The following PTPRZ1 variants were observed in gnomAD, a reference collection of about 807,000 sequenced individuals.
PTPRZ1 encodes the protein receptor-type tyrosine-protein phosphatase zeta.
A neutral mutation model predicts 214.1 loss-of-function variants in PTPRZ1; 82 were observed. The observed-to-expected ratio is 0.38, with a 90% CI of 0.32 to 0.46. The LOEUF (loss-of-function observed/expected upper bound fraction) is 0.46. PTPRZ1 is among the 20% of genes least tolerant of loss of function. The pLI is 1.00. For missense variants in PTPRZ1, 2,603 were observed against 2,748.7 expected (o/e 0.95, Z 1.19); for synonymous variants, 945 against 987.9 (o/e 0.96, Z 0.81).
In PTPRZ1 at chr7:122,012,032, T is replaced by C; in HGVS notation, c.2986T>C (p.Trp996Arg). 6.2e-7 allele frequency: 1 copy of C among 1,614,260 alleles called. No homozygotes were observed. Among genetic ancestry groups the C allele is most frequent in the Non-Finnish European group, 8.5e-7 (1 of 1,180,042 alleles). The change falls in exon 12 of 30, where the codon TGG becomes CGG. Residue 996 changes from tryptophan (W) to arginine (R), a missense_variant. Around this residue, in one of 6 missense-constraint regions of PTPRZ1, gnomAD observed 1,913 missense variants for 1,914.3 expected, o/e 1.00. Coordinates refer to ENST00000393386, the MANE Select transcript of PTPRZ1 (RefSeq NM_002851.3). The part of the protein sequence containing the change: ...PTHALSGDGE[W>R]SGASSDSEFL... ...TCATGCCCTCTCTGGTGATGGGGAA[T>C]GGTCTGGAGCCTCTTCTGATAGTGA...
intron 8 of PTPRZ1, among the ~76,000 whole-genome samples, chr7:121,995,956 T>A (rs1584723866): frequency 1.3e-5 from 2 of 152,224 alleles, no homozygotes; most frequent in Admixed American, 1.3e-4. Flanking sequence ...TTCAAAACAA[T>A]GTTCTAGGCA....
intron 1 of PTPRZ1, 79 bp downstream of exon 1, chr7:121,873,636 C>T (rs1793955472): frequency 6.6e-7 from 1 of 1,524,344 alleles, no homozygotes; most frequent in Admixed American, 1.7e-5. Context: ...GTGTCCGCGA[C>T]TTGCCGCCGC....
intron 2 of PTPRZ1, among the ~76,000 whole-genome samples, chr7:121,956,343 A>T (rs1397304968): frequency 2.0e-5 from 3 of 152,214 alleles, no homozygotes; most frequent in African/African-American, 7.2e-5. Context: ...GCAGACAATT[A>T]TTAACAGTAT....
At chr7:122,017,538 C>CATTTGTTTATTT (rs1554363677) in intron 12 of PTPRZ1, among the ~76,000 whole-genome samples, 8 of 140,112 alleles carry the variant, frequency 5.7e-5, no homozygotes, top group Non-Finnish European at 7.7e-5. Flanking sequence ...TGATACATTA[C>CATTTGTTTATTT]ATTTATTTAT....
chr7:122,032,447 G>A (rs922343999), intron 15 of PTPRZ1, among the ~76,000 whole-genome samples: 4 of 152,126 alleles, frequency 2.6e-5, no homozygotes, highest in African/African-American at 9.7e-5. Flanking sequence ...GTAGCTGTAA[G>A]CAGGAAGGCT....
At position 121,876,723 on chromosome 7, in the gene PTPRZ1, C is replaced by T. The variant is rs2116137172; in HGVS notation, c.58+3166C>T. ...GCAATTTTCTTTATTTCATTTCTCT[C>T]TCCTTTTTACGTATACTGTGGTTGC... On this transcript the variant is annotated intron_variant, in intron 1 of 29. Transcript: ENST00000393386. Among the ~76,000 whole-genome samples, 4 of 152,268 alleles carry T rather than the reference C, an allele frequency of 2.6e-5. No homozygotes were observed. The Middle Eastern group carries it at 0.014, about 518-fold the overall frequency.
At chr7:121,876,507 C>G (rs1306275097) in intron 1 of PTPRZ1, among the ~76,000 whole-genome samples, 1 of 152,092 alleles carries the variant, frequency 6.6e-6, no homozygotes, top group African/African-American at 2.4e-5. Flanking sequence ...TTATACCCAA[C>G]TCCTCTGGAA....
chr7:121,927,468 T>C (rs1795799199), intron 1 of PTPRZ1, among the ~76,000 whole-genome samples: 1 of 152,182 alleles, frequency 6.6e-6, no homozygotes, highest in African/African-American at 2.4e-5. Flanking sequence ...CTTTTGTCTA[T>C]CCCTTGCCCC....
intron 1 of PTPRZ1, among the ~76,000 whole-genome samples, chr7:121,893,862 T>C (rs968783616): frequency 6.6e-6 from 1 of 152,218 alleles, no homozygotes; most frequent in African/African-American, 2.4e-5. Flanking sequence ...TGTATGTATT[T>C]TTTCAACTGA....
At position 122,012,360 on chromosome 7, in the gene PTPRZ1, A is replaced by T. The variant is rs538645031; in HGVS notation, c.3314A>T (p.His1105Leu). 2 of 1,614,026 alleles carry T rather than the reference A, an allele frequency of 1.2e-6. No homozygotes were observed. The highest frequency in any genetic ancestry group is 1.7e-5 in the Admixed American group (1 of 60,012). ...GGCATGTTTCCAGGGTCCCTTGCTC[A>T]TACCACCACTAAGGTTTTTGATCAT... ...TKGMFPGSLA[H>L]TTTKVFDHEI... is the part of the protein sequence containing the mutation. Residue 1105 changes from histidine (H) to leucine (L), a missense_variant, in exon 12 of 30, where the codon CAT (histidine) becomes CTT (leucine). This residue lies in a region of PTPRZ1 where 1,913 missense variants were observed against 1,914.3 expected (regional missense o/e 1.00). Transcript: ENST00000393386.
chr7:121,968,178 G>A (rs1486164819), intron 3 of PTPRZ1, 48 bp downstream of exon 3: 1 of 1,491,444 alleles, frequency 6.7e-7, no homozygotes, highest in South Asian at 1.3e-5. Flanking sequence ...TTCAGACCTG[G>A]AGTATGTTTA....
At chr7:121,969,038 G>A (rs1797132671) in intron 3 of PTPRZ1, among the ~76,000 whole-genome samples, 1 of 152,102 alleles carries the variant, frequency 6.6e-6, no homozygotes. Flanking sequence ...AAGAGTACCA[G>A]ACTAGCCTGG....
chr7:122,040,176 T>A (rs1799678800), intron 20 of PTPRZ1, among the ~76,000 whole-genome samples: 1 of 151,836 alleles, frequency 6.6e-6, no homozygotes, highest in African/African-American at 2.4e-5. Flanking sequence ...CCTGACACAA[T>A]CCCAATATTC....
intron 3 of PTPRZ1, among the ~76,000 whole-genome samples, chr7:121,972,262 T>A (rs1797273849): frequency 6.6e-6 from 1 of 152,130 alleles, no homozygotes; most frequent in African/African-American, 2.4e-5. Flanking sequence ...GTAACAGCTA[T>A]CTTAGGACAC....
intron 5 of PTPRZ1, 114 bp from the exon 6 acceptor site, chr7:121,976,671 C>T (rs1584702692): frequency 1.2e-6 from 1 of 828,752 alleles, no homozygotes; most frequent in Non-Finnish European, 1.8e-6. Context: ...GTTTTTGGAA[C>T]TTACTATTTT....
chr7:122,057,968 G>GTATATACATATA (rs1792418996), intron 27 of PTPRZ1, among the ~76,000 whole-genome samples: 1 of 35,158 alleles, frequency 2.8e-5, no homozygotes, highest in African/African-American at 1.5e-4. Flanking sequence ...GTGTGTGTGT[G>GTATATACATATA]TATATATATA....
intron 1 of PTPRZ1, among the ~76,000 whole-genome samples, chr7:121,900,513 T>C (rs1794925331): frequency 6.6e-6 from 1 of 152,184 alleles, no homozygotes; most frequent in Admixed American, 6.5e-5. Context: ...AGAGACTAAC[T>C]TACCACATGA....
intron 8 of PTPRZ1, among the ~76,000 whole-genome samples, chr7:121,990,865 A>G (rs1369540713): frequency 6.6e-6 from 1 of 152,190 alleles, no homozygotes; most frequent in Non-Finnish European, 1.5e-5. Flanking sequence ...TGAGTACTAC[A>G]TGTGAATAAC....
In PTPRZ1 at chr7:122,010,346, G is replaced by A; in HGVS notation, c.1300G>A (p.Gly434Arg). 1 of 1,604,690 alleles carries A rather than the reference G, an allele frequency of 6.2e-7. No individual in the cohort carries two copies. Residue 434 changes from glycine (G) to arginine (R), a missense_variant, in exon 12 of 30, where the codon GGA becomes AGA. Coordinates refer to ENST00000393386, the MANE Select transcript of PTPRZ1 (RefSeq NM_002851.3). ...TEEIIKEEEE[G>R]KDIEEGAIVN... ...TTGCTTTTCAAAGGAGGAGGAAGAG[G>A]GAAAAGACATTGAAGAAGGCGCTAT...
Sources: allele counts gnomAD v4.1 joint callset (sites outside exome capture counted in the v4.1 genomes callset), GRCh38; gene constraint gnomAD v4.1.1; regional missense constraint gnomAD v4.1.1; transcripts MANE v1.5; gene names NCBI Gene and HGNC (gene_info 2026-07-23, HGNC 2026-07-21).